F11: variants seen among roughly 807,000 people sequenced by gnomAD.
The protein encoded by F11 is coagulation factor XI, also known as coagualtion factor XI.
In F11, 78 loss-of-function variants were observed where a neutral mutation model predicts 76.5. That is an observed-to-expected ratio of 1.02 (90% CI 0.85 to 1.23). The LOEUF is 1.23. Ranked by LOEUF, F11 falls within the 50% of genes most tolerant of loss-of-function variation. F11 has a pLI of 0.00. For missense variants in F11, 742 were observed against 771.4 expected, an observed-to-expected ratio of 0.96 and a Z score of 0.45; for synonymous variants, 278 against 276.3, an observed-to-expected ratio of 1.01 and a Z score of -0.06.
intron 4 of F11, among the ~76,000 whole-genome samples, chr4:186,273,463 T>G (rs1414554520): frequency 6.6e-6 from 1 of 152,190 alleles, no homozygotes; most frequent in African/African-American, 2.4e-5. Flanking sequence ...GAAAGTCTTT[T>G]TTTTTTTGAG....
At position 186,288,814 on chromosome 4, in the gene F11, T is replaced by G; in HGVS notation, c.*200T>G. On this transcript the variant is annotated 3_prime_UTR_variant, in exon 15 of 15. Coordinates refer to ENST00000403665, the MANE Select transcript of F11 (RefSeq NM_000128.4). Reference sequence around the variant, plus strand: ...CGTTCTATGATCGTTGTAGTTTGTTTGAGCATTCAGTCTCTTTGTTTTTGA... The same window carrying G: ...CGTTCTATGATCGTTGTAGTTTGTTGGAGCATTCAGTCTCTTTGTTTTTGA... 1 of 611,188 alleles carries G rather than the reference T, an allele frequency of 1.6e-6. No homozygotes were observed. The highest frequency in any genetic ancestry group is 3.1e-5 in the East Asian group (1 of 32,602). 37.9% of individuals were successfully genotyped at this position (611,188 alleles called of 1,614,324 possible).
intron 12 of F11, chr4:186,286,214 C>CTT: frequency 1.7e-6 from 1 of 577,236 alleles, no homozygotes; most frequent in Non-Finnish European, 3.1e-6. Flanking sequence ...GAGGGTGAGG[C>CTT]TTGTCTCTCT....
rs561932479 is a variant in F11 at position 186,280,523 on chromosome 4, C to G, written c.1078C>G (p.Leu360Val). ...TTCAAACGGATCTCCAACTAAAATA[C>G]TTCACGGGAGAGGAGGCATCTCTGG... ...LSSNGSPTKILHGRGGISGYT... is the reference protein window; with the variant it reads ...LSSNGSPTKIVHGRGGISGYT... Residue 360 changes from leucine to valine, a missense_variant, in exon 10 of 15, where the codon CTT (leucine) becomes GTT (valine). Physicochemically the swap from Leu to Val is conservative, Grantham distance 32 (BLOSUM62 1). Transcript: ENST00000403665. 20 of 1,614,178 alleles carry G rather than the reference C, an allele frequency of 1.2e-5. No homozygotes were observed. The African/African-American group carries it at 2.3e-4, about 18-fold the overall frequency.
At chr4:186,285,034 A>G (rs778185333) in intron 11 of F11, among the ~76,000 whole-genome samples, 11 of 152,168 alleles carry the variant, frequency 7.2e-5, no homozygotes, top group Non-Finnish European at 1.6e-4. Flanking sequence ...GCGTTGGCCA[A>G]ACAAAAAGGC....
intron 10 of F11, 54 bp downstream of exon 10, chr4:186,280,634 A>T: frequency 7.5e-7 from 1 of 1,339,592 alleles, no homozygotes; most frequent in South Asian, 1.2e-5. Flanking sequence ...TCCATGCTTC[A>T]TACATCACAA....
intron 12 of F11, 36 bp downstream of exon 12, chr4:186,285,849 G>C: frequency 6.2e-7 from 1 of 1,607,838 alleles, no homozygotes; most frequent in Non-Finnish European, 8.5e-7. Context: ...TGTCTCCAAT[G>C]GTGAACTGGA....
In F11 at chr4:186,280,438, T is replaced by C. The variant is rs772208707; in HGVS notation, c.1029-36T>C. ...ACCCTTGTCCCGTCTGCCTGTGAGG[T>C]GCATTATGTTTATACCGTTTTGTTT... On this transcript the variant is annotated intron_variant, in intron 9 of 14. Coordinates refer to ENST00000403665, the MANE Select transcript of F11 (RefSeq NM_000128.4). 15 of 1,614,002 alleles carry C rather than the reference T, an allele frequency of 9.3e-6. No individual in the cohort carries two copies. In the African/African-American group the frequency reaches 2.0e-4, roughly 22 times the overall value.
intron 2 of F11, among the ~76,000 whole-genome samples, chr4:186,269,267 G>GA (rs1417626205): frequency 6.6e-6 from 1 of 152,064 alleles, no homozygotes; most frequent in African/African-American, 2.4e-5. Context: ...AAAAAGAAGG[G>GA]AAAGCAGGAA....
chr4:186,276,974 T>C lies in F11; in HGVS notation c.755+584T>C, dbSNP rs112485221. Among the ~76,000 whole-genome samples the C allele has an allele frequency of 7.9e-4, 120 of 152,292 alleles. 2 individuals are homozygous for C. Among genetic ancestry groups the C allele is most frequent in the Middle Eastern group, 3.4e-3 (1 of 294 alleles). On this transcript the variant is annotated intron_variant, in intron 7 of 14. Transcript: ENST00000403665. ...AGTTGTGTTACATGGATATACTGTG[T>C]AGTGGTGAAGTCTGGGCTTTCAGTG...
In F11 at chr4:186,280,305, C is replaced by G. The variant is rs1315268272; in HGVS notation, c.948C>G (p.Ala316=). Residue 316 remains alanine, a synonymous_variant, in exon 9 of 15, where the codon GCC becomes GCG. Coordinates refer to ENST00000403665, the MANE Select transcript of F11 (RefSeq NM_000128.4). ...LDIVAAKSHE[A]CQKLCTNAVR... ...TTGTTGCTGCAAAAAGTCACGAGGCCTGCCAGAAACTGTGCACCAATGCCG... is the reference window on the plus strand; with the variant it reads ...TTGTTGCTGCAAAAAGTCACGAGGCGTGCCAGAAACTGTGCACCAATGCCG... The G allele has an allele frequency of 2.4e-5, 39 of 1,614,056 alleles. No homozygotes were observed. Among genetic ancestry groups the G allele is most frequent in the Non-Finnish European group, 3.1e-5 (37 of 1,180,048 alleles).
At chr4:186,287,341 T>C (rs1156686904) in intron 13 of F11, among the ~76,000 whole-genome samples, 4 of 151,490 alleles carry the variant, frequency 2.6e-5, no homozygotes, top group African/African-American at 4.8e-5. Context: ...CCCAGCACTT[T>C]GGGAGGCCAA....
chr4:186,281,238 T>G, intron 10 of F11, among the ~76,000 whole-genome samples: 1 of 152,202 alleles, frequency 6.6e-6, no homozygotes, highest in East Asian at 1.9e-4. Flanking sequence ...TTATCCTTTG[T>G]AAGGGAATTA....
Position 186,281,022 on chromosome 4 carries a change from A to T in F11, c.1135+442A>T, listed in dbSNP as rs115643420. 1.5e-3 allele frequency among the ~76,000 whole-genome samples: 227 copies of T among 151,126 alleles called. 1 individual carries two copies. The highest frequency in any genetic ancestry group is 5.3e-3 in the African/African-American group (217 of 41,246). ...TGGGGCTACAGGCGTGCACCACAACACTCGGCTAATTTGTTGTAGAGATGG... is the reference window on the plus strand; with the variant it reads ...TGGGGCTACAGGCGTGCACCACAACTCTCGGCTAATTTGTTGTAGAGATGG... On this transcript the variant is annotated intron_variant, in intron 10 of 14. Transcript: ENST00000403665.
intron 10 of F11, chr4:186,282,234 G>A: frequency 1.0e-6 from 1 of 985,348 alleles, no homozygotes; most frequent in Non-Finnish European, 1.2e-6. Context: ...TTTCTCTGTT[G>A]GATTTATAGA....
Position 186,276,269 on chromosome 4 carries a change from G to T in F11, c.634G>T (p.Asp212Tyr), listed in dbSNP as rs1580080555. 1 of 1,614,134 alleles carries T rather than the reference G, an allele frequency of 6.2e-7. No individual in the cohort carries two copies. The highest frequency in any genetic ancestry group is 1.7e-5 in the Admixed American group (1 of 60,022). The change falls in exon 7 of 15, where the codon GAC becomes TAC. Residue 212 changes from aspartate to tyrosine, a missense_variant. Transcript: ENST00000403665. ...RDIFPNTVFADSNIDSVMAPD... is the reference protein window; with the variant it reads ...RDIFPNTVFAYSNIDSVMAPD... ...CATTTTCCCTAATACGGTGTTTGCA[G>T]ACAGCAACATCGACAGTGTCATGGC...
intron 7 of F11, 118 bp from the exon 8 acceptor site, chr4:186,279,894 T>C (rs1298426063): frequency 3.7e-6 from 3 of 807,982 alleles, no homozygotes; most frequent in Admixed American, 4.0e-5. Context: ...ACTTTCAAAA[T>C]AGGAAAATCT....
At chr4:186,274,652 T>A in intron 5 of F11, 1 of 289,326 alleles carries the variant, frequency 3.5e-6, no homozygotes, top group Non-Finnish European at 6.7e-6. Context: ...TCTCTCTAAA[T>A]AACAGTTCCT....
At chr4:186,274,305 C>A in intron 5 of F11, 30 bp downstream of exon 5, 4 of 1,613,730 alleles carry the variant, frequency 2.5e-6, no homozygotes, top group South Asian at 1.1e-5. Flanking sequence ...TTCGAGTGGT[C>A]GATGAAAAAC....
At chr4:186,267,010 A>C in intron 1 of F11, 126 bp from the exon 2 acceptor site, 1 of 706,746 alleles carries the variant, frequency 1.4e-6, no homozygotes, top group Non-Finnish European at 2.6e-6. Flanking sequence ...TATAATGAGA[A>C]CACTGTGAAT....
Sources: allele counts gnomAD v4.1 joint callset (sites outside exome capture counted in the v4.1 genomes callset), GRCh38; gene constraint gnomAD v4.1.1; transcripts MANE v1.5; gene names NCBI Gene and HGNC (gene_info 2026-07-23, HGNC 2026-07-21).